Variants in ARHGAP24 observed in about 807,000 individuals in gnomAD.
The protein encoded by ARHGAP24 is rho GTPase-activating protein 24.
ARHGAP24 carries 50 observed loss-of-function variants against 76.4 expected under a neutral mutation model. That is an observed-to-expected ratio of 0.65 (90% CI 0.52 to 0.83). The LOEUF is 0.83. ARHGAP24 is among the 40% of genes least tolerant of loss of function. The pLI, the probability that ARHGAP24 is intolerant of heterozygous loss-of-function variation, is 0.00. For missense variants in ARHGAP24, 930 were observed against 914.2 expected, an observed-to-expected ratio of 1.02 and a Z score of -0.22; for synonymous variants, 345 against 323.3, an observed-to-expected ratio of 1.07 and a Z score of -0.72.
intron 2 of ARHGAP24, among the ~76,000 whole-genome samples, chr4:85,684,327 C>T (rs1723341338): frequency 6.6e-6 from 1 of 152,012 alleles, no homozygotes; most frequent in African/African-American, 2.4e-5. Context: ...GATGATATTT[C>T]ATTGTGGTTT....
chr4:85,678,870 C>T (rs1176865813), intron 2 of ARHGAP24, among the ~76,000 whole-genome samples: 1 of 152,112 alleles, frequency 6.6e-6, no homozygotes, highest in Non-Finnish European at 1.5e-5. Context: ...CTACAGCATC[C>T]AGAGAGGTGT....
At chr4:85,838,849 G>T (rs550796304) in intron 3 of ARHGAP24, among the ~76,000 whole-genome samples, 4 of 150,488 alleles carry the variant, frequency 2.7e-5, no homozygotes, top group Non-Finnish European at 4.4e-5. Context: ...TTCTTCATTC[G>T]CATGGAGGGC....
chr4:85,787,601 A>G (rs1343305696), intron 3 of ARHGAP24, among the ~76,000 whole-genome samples: 2 of 152,248 alleles, frequency 1.3e-5, no homozygotes, highest in African/African-American at 4.8e-5. Context: ...CTCAGGGTTC[A>G]AATTTTAAAT....
chr4:86,001,940 CAAT>C lies in ARHGAP24; in HGVS notation c.*1222_*1224del, dbSNP rs1259271911. On this transcript the variant is annotated 3_prime_UTR_variant, in exon 10 of 10. Transcript: ENST00000395184. ...AGTATCACTTTCCTGTTAAAACATA[CAAT>C]AATTTTAAAAGGTGAATGCCTAAAG... 4 of 152,360 alleles carry C rather than the reference CAAT, an allele frequency of 2.6e-5. No homozygotes were observed. The highest frequency in any genetic ancestry group is 9.6e-5 in the African/African-American group (4 of 41,560). The allele number at this position is 152,360 out of a possible 1,614,324, so 9.4% of individuals were successfully genotyped here.
intron 1 of ARHGAP24, among the ~76,000 whole-genome samples, chr4:85,480,881 GT>G (rs1287098191): frequency 1.3e-5 from 2 of 152,056 alleles, no homozygotes; most frequent in Admixed American, 1.3e-4. Context: ...AAAACCTTTT[GT>G]TTTTTCTTAC....
chr4:85,865,604 G>A lies in ARHGAP24; in HGVS notation c.269-58044G>A, dbSNP rs567031804. 6.3e-4 allele frequency among the ~76,000 whole-genome samples: 93 copies of A among 147,444 alleles called. No homozygotes were observed. In the South Asian group the frequency reaches 0.01, roughly 16 times the overall value. On this transcript the variant is annotated intron_variant, in intron 3 of 9. Coordinates refer to ENST00000395184, the MANE Select transcript of ARHGAP24 (RefSeq NM_001025616.3). ...ATAATTTTAATAAAAATAAAATCAT[G>A]CATTATAATTAGGGAATGTACATTT...
intron 4 of ARHGAP24, among the ~76,000 whole-genome samples, chr4:85,938,606 T>C (rs1325853780): frequency 6.6e-6 from 1 of 152,176 alleles, no homozygotes; most frequent in Non-Finnish European, 1.5e-5. Flanking sequence ...TGCTACAGAA[T>C]GGGGAGTACA....
At chr4:85,592,633 C>T (rs10006491) in intron 2 of ARHGAP24, among the ~76,000 whole-genome samples, 1,938 of 152,266 alleles carry the variant, frequency 0.013, 44 homozygotes, top group African/African-American at 0.044. Context: ...TCCCTGACCC[C>T]ACTATCCTCC....
intron 3 of ARHGAP24, among the ~76,000 whole-genome samples, chr4:85,725,010 G>T (rs956816146): frequency 1.3e-5 from 2 of 152,184 alleles, no homozygotes; most frequent in African/African-American, 4.8e-5. Flanking sequence ...AGTTCTTGAA[G>T]AAAGAACATG....
intron 4 of ARHGAP24, among the ~76,000 whole-genome samples, chr4:85,925,667 TTTAC>T (rs1735981500): frequency 6.6e-6 from 1 of 152,220 alleles, no homozygotes. Flanking sequence ...AATTCATAAA[TTTAC>T]TTTATCATAG....
At chr4:85,631,526 A>T (rs1009991061) in intron 2 of ARHGAP24, among the ~76,000 whole-genome samples, 3 of 152,086 alleles carry the variant, frequency 2.0e-5, no homozygotes, top group African/African-American at 7.2e-5. Flanking sequence ...CTTTATTTCA[A>T]TGTCTATTTT....
At chr4:85,728,196 G>T (rs1725240831) in intron 3 of ARHGAP24, among the ~76,000 whole-genome samples, 1 of 140,964 alleles carries the variant, frequency 7.1e-6, no homozygotes, top group Admixed American at 7.4e-5. Flanking sequence ...GGACATGGGT[G>T]CCTAAAGAAT....
intron 3 of ARHGAP24, among the ~76,000 whole-genome samples, chr4:85,859,673 C>T (rs760003850): frequency 3.9e-5 from 6 of 152,138 alleles, no homozygotes; most frequent in African/African-American, 9.6e-5. Context: ...GGGTCCTCAC[C>T]GCTATCAGAT....
intron 2 of ARHGAP24, among the ~76,000 whole-genome samples, chr4:85,638,636 C>A (rs6813231): frequency 0.024 from 3,679 of 151,938 alleles, 147 homozygotes; most frequent in African/African-American, 0.083. Context: ...TGTGGATGCC[C>A]ACAATATGTT....
intron 1 of ARHGAP24, among the ~76,000 whole-genome samples, chr4:85,529,673 A>G (rs1725174112): frequency 1.3e-5 from 2 of 152,042 alleles, no homozygotes; most frequent in South Asian, 2.1e-4. Context: ...TGTGACAACC[A>G]AAAGTATCTC....
intron 2 of ARHGAP24, among the ~76,000 whole-genome samples, chr4:85,658,122 T>G (rs534640624): frequency 2.6e-5 from 4 of 152,214 alleles, no homozygotes; most frequent in Non-Finnish European, 4.4e-5. Flanking sequence ...GACCTTTTTT[T>G]CAGTCTGACA....
At chr4:85,482,220 A>G (rs979712531) in intron 1 of ARHGAP24, among the ~76,000 whole-genome samples, 2 of 152,190 alleles carry the variant, frequency 1.3e-5, no homozygotes, top group Non-Finnish European at 2.9e-5. Flanking sequence ...TTCACTTCCC[A>G]TTATGGTTTG....
intron 2 of ARHGAP24, among the ~76,000 whole-genome samples, chr4:85,592,219 G>C (rs1728143256): frequency 1.3e-5 from 2 of 152,136 alleles, no homozygotes; most frequent in Non-Finnish European, 2.9e-5. Context: ...GAGCTATTTT[G>C]ATACAAGTAT....
intron 4 of ARHGAP24, among the ~76,000 whole-genome samples, chr4:85,929,884 C>T (rs1736226941): frequency 6.6e-6 from 1 of 152,176 alleles, no homozygotes; most frequent in African/African-American, 2.4e-5. Context: ...AGTTTACCCC[C>T]TGGGGGTTGG....
Sources: gnomAD v4.1 joint callset for allele counts (sites outside exome capture counted in the v4.1 genomes callset) on GRCh38, gnomAD v4.1.1 for gene constraint, MANE v1.5 for transcripts, NCBI Gene and HGNC (gene_info 2026-07-23, HGNC 2026-07-21) for gene names.